The following PPARGC1A variants were observed in gnomAD, a reference collection of about 807,000 sequenced individuals.
The protein encoded by PPARGC1A is PPARG coactivator 1 alpha, also known as peroxisome proliferator-activated receptor gamma coactivator 1-alpha.
In PPARGC1A, 25 loss-of-function variants were observed where a neutral mutation model predicts 88.7. That is an observed-to-expected ratio of 0.28 (90% CI 0.21 to 0.39). PPARGC1A has a LOEUF of 0.39. Ranked by LOEUF, PPARGC1A falls within the 10% of genes least tolerant of loss-of-function variation. The pLI is 1.00. For synonymous variants in PPARGC1A, 363 were observed against 355.6 expected (o/e 1.02, Z -0.24); for missense variants, 880 against 968.7 (o/e 0.91, Z 1.22).
At chr4:24,033,521 C>G in the PPARGC1A span, among the ~76,000 whole-genome samples, 2,976 of 152,190 alleles carry the variant, frequency 0.02, 93 homozygotes, top group African/African-American at 0.069. Context: ...GGAAAATAAT[C>G]TTCTCCTGCC....
At chr4:24,377,667 A>G in the PPARGC1A span, among the ~76,000 whole-genome samples, 1 of 152,196 alleles carries the variant, frequency 6.6e-6, no homozygotes, top group Non-Finnish European at 1.5e-5. Flanking sequence ...ACAAGAAATC[A>G]CTGAAAAAAT....
the PPARGC1A span, among the ~76,000 whole-genome samples, chr4:24,451,414 G>A: frequency 6.6e-6 from 1 of 152,176 alleles, no homozygotes; most frequent in Non-Finnish European, 1.5e-5. Context: ...CTTTCAATGA[G>A]AGTCTCTTCT....
At chr4:24,398,819 T>A in the PPARGC1A span, among the ~76,000 whole-genome samples, 1 of 152,318 alleles carries the variant, frequency 6.6e-6, no homozygotes, top group South Asian at 2.1e-4. Context: ...AGCACCCCAA[T>A]CCAGGACCTC....
At chr4:24,316,655 G>C in the PPARGC1A span, among the ~76,000 whole-genome samples, 1 of 152,232 alleles carries the variant, frequency 6.6e-6, no homozygotes, top group South Asian at 2.1e-4. Context: ...ATTTACTCAT[G>C]CAAGACCTTG....
the PPARGC1A span, among the ~76,000 whole-genome samples, chr4:24,138,724 G>A: frequency 6.6e-6 from 1 of 152,170 alleles, no homozygotes; most frequent in Non-Finnish European, 1.5e-5. Context: ...AAGGCCTTTG[G>A]TGATTAAAAT....
chr4:24,225,828 A>G, the PPARGC1A span, among the ~76,000 whole-genome samples: 1 of 152,210 alleles, frequency 6.6e-6, no homozygotes, highest in Non-Finnish European at 1.5e-5. Flanking sequence ...ATATTCAAGC[A>G]GAGTTGTCCT....
chr4:24,273,834 G>C, the PPARGC1A span, among the ~76,000 whole-genome samples: 10 of 148,734 alleles, frequency 6.7e-5, no homozygotes, highest in African/African-American at 2.2e-4. Context: ...AGGTTGAAGC[G>C]ATTCTCCTGC....
chr4:24,341,670 A>G, the PPARGC1A span, among the ~76,000 whole-genome samples: 1 of 152,204 alleles, frequency 6.6e-6, no homozygotes, highest in Non-Finnish European at 1.5e-5. Context: ...AATGGAAGTT[A>G]CTGTGAAGAA....
chr4:24,122,416 C>CATATAT, the PPARGC1A span, among the ~76,000 whole-genome samples: 20 of 128,120 alleles, frequency 1.6e-4, no homozygotes, highest in East Asian at 2.4e-4. Context: ...TGTGTGTGTG[C>CATATAT]ATATATATAT....
the PPARGC1A span, among the ~76,000 whole-genome samples, chr4:23,918,985 C>G: frequency 2.6e-5 from 4 of 152,078 alleles, no homozygotes; most frequent in Non-Finnish European, 5.9e-5. Context: ...TAGGACCCAT[C>G]TATTTTATAA....
chr4:23,909,409 G>A, the PPARGC1A span, among the ~76,000 whole-genome samples: 3 of 152,250 alleles, frequency 2.0e-5, no homozygotes, highest in South Asian at 2.1e-4. Context: ...CGAAACCTGC[G>A]TGGATGCCAA....
the PPARGC1A span, among the ~76,000 whole-genome samples, chr4:24,174,914 C>A: frequency 6.6e-6 from 1 of 152,216 alleles, no homozygotes; most frequent in South Asian, 2.1e-4. Context: ...CTGCCCAACG[C>A]AGGGCCTCTT....
chr4:23,912,653 A>G, the PPARGC1A span, among the ~76,000 whole-genome samples: 7 of 152,098 alleles, frequency 4.6e-5, no homozygotes, highest in African/African-American at 7.2e-5. Flanking sequence ...ATGAGCTATG[A>G]AACCTGCCTG....
At chr4:23,927,878 A>T in the PPARGC1A span, among the ~76,000 whole-genome samples, 1 of 152,206 alleles carries the variant, frequency 6.6e-6, no homozygotes, top group African/African-American at 2.4e-5. Flanking sequence ...TGCAGGCTTA[A>T]GAGCCAGTAT....
At chr4:24,389,695 G>A in the PPARGC1A span, among the ~76,000 whole-genome samples, 25,207 of 152,132 alleles carry the variant, frequency 0.17, 2,222 homozygotes, top group East Asian at 0.3. Context: ...AATAAGGATA[G>A]TATTATGCCT....
At chr4:24,114,653 G>A in the PPARGC1A span, among the ~76,000 whole-genome samples, 1 of 152,114 alleles carries the variant, frequency 6.6e-6, no homozygotes, top group African/African-American at 2.4e-5. Flanking sequence ...GCTCACATTA[G>A]AACAAACAGA....
Position 23,794,336 on chromosome 4 carries a change from G to A in PPARGC1A, c.*1486C>T, listed in dbSNP as rs1026679223. ...ATTTCATTCCCCTAACAAATCCAGT[G>A]TATAAAACTTCAAAGAAAAACAAGC... On this transcript the variant is annotated 3_prime_UTR_variant, in exon 13 of 13. Transcript: ENST00000264867. 1 of 152,374 alleles carries A rather than the reference G, an allele frequency of 6.6e-6. No individual in the cohort carries two copies. The highest frequency in any genetic ancestry group is 6.6e-5 in the Admixed American group (1 of 15,226). The allele number at this position is 152,374 out of a possible 1,614,324, so 9.4% of individuals were successfully genotyped here. A position where few individuals can be genotyped will look rare whatever the true frequency, so the allele number is the denominator to read the frequency against.
At chr4:24,106,103 C>T in the PPARGC1A span, among the ~76,000 whole-genome samples, 1,640 of 152,240 alleles carry the variant, frequency 0.011, 9 homozygotes, top group Non-Finnish European at 0.017. Context: ...TTCGTTTCCC[C>T]GCCCCCGGAT....
the PPARGC1A span, among the ~76,000 whole-genome samples, chr4:23,975,346 T>G: frequency 6.6e-6 from 1 of 152,186 alleles, no homozygotes. Context: ...TGGGACCTTC[T>G]TTTTGATTAA....
Sources: gnomAD v4.1 joint callset for allele counts (sites outside exome capture counted in the v4.1 genomes callset) on GRCh38, gnomAD v4.1.1 for gene constraint, MANE v1.5 for transcripts, NCBI Gene and HGNC (gene_info 2026-07-23, HGNC 2026-07-21) for gene names.